Variants in CDKAL1 observed in about 807,000 individuals in gnomAD.
CDKAL1 encodes the protein CDKAL1 threonylcarbamoyladenosine tRNA methylthiotransferase, also known as threonylcarbamoyladenosine tRNA methylthiotransferase.
In CDKAL1, 32 loss-of-function variants were observed where a neutral mutation model predicts 68.2. That is an observed-to-expected ratio of 0.47 (90% CI 0.35 to 0.63). The LOEUF is 0.63. CDKAL1 is among the 30% of genes least tolerant of loss of function. The probability of loss-of-function intolerance (pLI) is 0.00; values close to 1 mark genes in which losing one functional copy is unlikely to be tolerated. For missense variants in CDKAL1, 606 were observed against 696.7 expected (o/e 0.87, Z 1.47); for synonymous variants, 234 against 244.3 (o/e 0.96, Z 0.39).
chr6:21,079,635 A>G (rs1379759279), intron 12 of CDKAL1, among the ~76,000 whole-genome samples: 1 of 152,246 alleles, frequency 6.6e-6, no homozygotes, highest in African/African-American at 2.4e-5. Flanking sequence ...TTGGTAGGCA[A>G]GAACATTTTA....
chr6:20,688,591 T>C (rs1770736240), intron 5 of CDKAL1, among the ~76,000 whole-genome samples: 1 of 152,230 alleles, frequency 6.6e-6, no homozygotes, highest in Non-Finnish European at 1.5e-5. Context: ...ATTTCTCTTA[T>C]ATGTTTTTTG....
At chr6:21,083,999 G>C in intron 12 of CDKAL1, among the ~76,000 whole-genome samples, 1 of 152,096 alleles carries the variant, frequency 6.6e-6, no homozygotes, top group Non-Finnish European at 1.5e-5. Flanking sequence ...CTTGGTTCAG[G>C]TGTTAGCTGG....
intron 13 of CDKAL1, among the ~76,000 whole-genome samples, chr6:21,134,257 T>C (rs1325783898): frequency 6.6e-6 from 1 of 152,334 alleles, no homozygotes; most frequent in East Asian, 1.9e-4. Flanking sequence ...AGAAATTTGC[T>C]AGGACCTTTT....
intron 15 of CDKAL1, among the ~76,000 whole-genome samples, chr6:21,211,601 G>GTGGCA (rs766666367): frequency 1.1e-4 from 17 of 152,322 alleles, no homozygotes; most frequent in Admixed American, 2.0e-4. Context: ...CAGCACAGGA[G>GTGGCA]TGGCACATGG....
At chr6:21,005,214 C>T (rs957616008) in intron 11 of CDKAL1, among the ~76,000 whole-genome samples, 4 of 152,186 alleles carry the variant, frequency 2.6e-5, no homozygotes, top group African/African-American at 9.6e-5. Flanking sequence ...AGGCATTAGA[C>T]AATTACTTTA....
chr6:21,022,418 T>C (rs561077430), intron 11 of CDKAL1, among the ~76,000 whole-genome samples: 1 of 152,218 alleles, frequency 6.6e-6, no homozygotes, highest in African/African-American at 2.4e-5. Flanking sequence ...TCCTGAGAGA[T>C]GTAATCAGTT....
At chr6:20,776,582 T>A (rs1325397877) in intron 7 of CDKAL1, among the ~76,000 whole-genome samples, 1 of 152,196 alleles carries the variant, frequency 6.6e-6, no homozygotes, top group Non-Finnish European at 1.5e-5. Flanking sequence ...ATCTTAGAGC[T>A]GTACGAATTA....
intron 9 of CDKAL1, among the ~76,000 whole-genome samples, chr6:20,912,339 G>A (rs1490501651): frequency 6.6e-6 from 1 of 152,066 alleles, no homozygotes; most frequent in Non-Finnish European, 1.5e-5. Context: ...CTGCATCCTG[G>A]GTTAAGGAGC....
At chr6:20,587,056 G>A (rs1765397129) in intron 4 of CDKAL1, among the ~76,000 whole-genome samples, 1 of 130,268 alleles carries the variant, frequency 7.7e-6, no homozygotes, top group Non-Finnish European at 1.5e-5. Flanking sequence ...GCAAGATCTC[G>A]GCTCACTGCA....
At chr6:21,214,599 C>T (rs1172329571) in intron 15 of CDKAL1, among the ~76,000 whole-genome samples, 3 of 152,072 alleles carry the variant, frequency 2.0e-5, no homozygotes, top group East Asian at 3.9e-4. Flanking sequence ...TCTGCTGAAG[C>T]ACCAGCTTAT....
intron 11 of CDKAL1, among the ~76,000 whole-genome samples, chr6:21,007,662 G>A (rs939759533): frequency 5.3e-5 from 8 of 152,010 alleles, no homozygotes; most frequent in African/African-American, 1.5e-4. Flanking sequence ...TAAGTATACC[G>A]ATAATACTTA....
At chr6:20,870,264 A>T (rs368670321) in intron 9 of CDKAL1, among the ~76,000 whole-genome samples, 2 of 152,084 alleles carry the variant, frequency 1.3e-5, no homozygotes, top group East Asian at 3.9e-4. Flanking sequence ...CTCATTTCCA[A>T]CCTATTGTCC....
rs139011694 is a variant in CDKAL1 at position 21,210,654 on chromosome 6, A to C, written c.1548+9380A>C. 1.8e-3 allele frequency among the ~76,000 whole-genome samples: 280 copies of C among 152,342 alleles called. 3 individuals are homozygous for C. The highest frequency in any genetic ancestry group is 6.3e-3 in the African/African-American group (263 of 41,584). On this transcript the variant is annotated intron_variant, in intron 15 of 15. Coordinates refer to ENST00000274695, the MANE Select transcript of CDKAL1 (RefSeq NM_017774.3). ...TATGAAACAAAATCTATAATATGTC[A>C]AATGTTAAATTGGTTGGCGTTAGAT...
At chr6:20,732,156 G>A (rs2150314502) in intron 5 of CDKAL1, among the ~76,000 whole-genome samples, 1 of 151,370 alleles carries the variant, frequency 6.6e-6, no homozygotes, top group African/African-American at 2.4e-5. Context: ...AACTCTCCTT[G>A]CACCTCAGCC....
In CDKAL1 at chr6:20,782,159, G is replaced by C. The variant is rs575790280; in HGVS notation, c.638+894G>C. ...GACAGTGGCGGTTGTGTTGTCAGTA[G>C]CCCTCTTTTCTGTAGTCTCACCACT... On this transcript the variant is annotated intron_variant, in intron 8 of 15. Coordinates refer to ENST00000274695, the MANE Select transcript of CDKAL1 (RefSeq NM_017774.3). Among the ~76,000 whole-genome samples, 4 of 152,252 alleles carry C rather than the reference G, an allele frequency of 2.6e-5. No individual in the cohort carries two copies. In the South Asian group the frequency reaches 6.2e-4, roughly 24 times the overall value.
At chr6:20,952,107 C>T (rs555748383) in intron 9 of CDKAL1, among the ~76,000 whole-genome samples, 20 of 151,964 alleles carry the variant, frequency 1.3e-4, no homozygotes, top group African/African-American at 4.3e-4. Context: ...TACAGGCGCC[C>T]GCCACCATGC....
intron 5 of CDKAL1, among the ~76,000 whole-genome samples, chr6:20,709,647 T>C (rs1320185410): frequency 1.3e-5 from 2 of 152,270 alleles, no homozygotes; most frequent in East Asian, 3.9e-4. Flanking sequence ...GTGGATTATG[T>C]TGCACAACAG....
At position 20,622,985 on chromosome 6, in the gene CDKAL1, T is replaced by C. The variant is rs149047346; in HGVS notation, c.287-26308T>C. On this transcript the variant is annotated intron_variant, in intron 4 of 15. Transcript: ENST00000274695. The stretch of plus-strand genomic sequence containing the variant: ...ACTACTTTTCTTTGTCAGGCTTTTT[T>C]CAATAAAGTATTTTTATGTCTAAGC... Among the ~76,000 whole-genome samples the C allele has an allele frequency of 6.8e-3, 1,038 of 152,228 alleles. 9 individuals are homozygous for C. The highest frequency in any genetic ancestry group is 0.024 in the African/African-American group (981 of 41,560).
chr6:20,795,072 G>A (rs1011972011), intron 8 of CDKAL1, among the ~76,000 whole-genome samples: 2 of 151,920 alleles, frequency 1.3e-5, no homozygotes, highest in African/African-American at 2.4e-5. Flanking sequence ...AAAAATTCTG[G>A]ACTTCATATC....
Sources: gnomAD v4.1 joint callset for allele counts (sites outside exome capture counted in the v4.1 genomes callset) on GRCh38, gnomAD v4.1.1 for gene constraint, MANE v1.5 for transcripts, NCBI Gene and HGNC (gene_info 2026-07-23, HGNC 2026-07-21) for gene names.